The following AHRR variants were observed in gnomAD, a reference collection of about 807,000 sequenced individuals.
The protein encoded by AHRR is ahR repressor.
AHRR carries 28 observed loss-of-function variants against 44.0 expected under a neutral mutation model. That is an observed-to-expected ratio of 0.64 (90% CI 0.47 to 0.87). The LOEUF (loss-of-function observed/expected upper bound fraction) is 0.87, where lower values mean the gene tolerates loss of function less well. Among genes scored for constraint, AHRR ranks in the 40% least tolerant of loss-of-function variants. The pLI, the probability that AHRR is intolerant of heterozygous loss-of-function variation, is 0.00. For missense variants in AHRR, 990 were observed against 953.9 expected, an observed-to-expected ratio of 1.04 and a Z score of -0.50; for synonymous variants, 434 against 407.0, an observed-to-expected ratio of 1.07 and a Z score of -0.80.
chr5:398,140 T>TCA (rs1734836384), intron 4 of AHRR, among the ~76,000 whole-genome samples: 1 of 113,982 alleles, frequency 8.8e-6, no homozygotes, highest in African/African-American at 3.7e-5. Flanking sequence ...ACCGTCCATG[T>TCA]TAGCCCCTGA....
intron 7 of AHRR, among the ~76,000 whole-genome samples, chr5:426,164 G>A (rs895536785): frequency 9.9e-5 from 15 of 152,254 alleles, no homozygotes; most frequent in African/African-American, 3.6e-4. Flanking sequence ...CTGCTACACA[G>A]CAGGTGTTTA....
chr5:399,395 A>T (rs1310723511), intron 4 of AHRR, among the ~76,000 whole-genome samples: 3 of 152,206 alleles, frequency 2.0e-5, no homozygotes, highest in Non-Finnish European at 4.4e-5. Flanking sequence ...GGGTGTTTGC[A>T]CTCAGAAAGC....
rs911406619 is a variant in AHRR at position 399,727 on chromosome 5, A to G, written c.352-13617A>G. 3.9e-5 allele frequency among the ~76,000 whole-genome samples: 6 copies of G among 152,314 alleles called. No homozygotes were observed. In the East Asian group the frequency reaches 9.7e-4, roughly 25 times the overall value. On this transcript the variant is annotated intron_variant, in intron 4 of 10. Coordinates refer to ENST00000684583, the MANE Select transcript of AHRR (RefSeq NM_001377236.1). ...GAAGGGGGCCCAGGACACCGGGTTA[A>G]CCGAGCGGGGCTGCAGTGGGCGTCA...
At chr5:416,762 A>AC (rs1274287224) in intron 5 of AHRR, among the ~76,000 whole-genome samples, 1 of 152,136 alleles carries the variant, frequency 6.6e-6, no homozygotes, top group African/African-American at 2.4e-5. Context: ...GGTGCCGTGA[A>AC]CGGGGGAGCA....
At chr5:324,859 G>T (rs1280351418) in intron 1 of AHRR, among the ~76,000 whole-genome samples, 1 of 152,178 alleles carries the variant, frequency 6.6e-6, no homozygotes, top group Non-Finnish European at 1.5e-5. Flanking sequence ...TGGGGAGGGG[G>T]TAGGCAGGCC....
intron 3 of AHRR, among the ~76,000 whole-genome samples, chr5:366,502 T>C (rs1743365689): frequency 6.6e-6 from 1 of 152,102 alleles, no homozygotes; most frequent in South Asian, 2.1e-4. Context: ...GAGAGATGAC[T>C]ATAGAAAGAA....
At chr5:348,176 G>T (rs1472625926) in intron 2 of AHRR, among the ~76,000 whole-genome samples, 1 of 152,164 alleles carries the variant, frequency 6.6e-6, no homozygotes, top group Non-Finnish European at 1.5e-5. Context: ...GGATGACATG[G>T]GTGATCCTGA....
In AHRR at chr5:354,045, G is replaced by A. The variant is rs1323216537; in HGVS notation, c.244+134G>A. ...GTGCACTCCCTTCTTCCCCCACGCT[G>A]CCCCCAGAACCTGGAGACTTGGCCC... On this transcript the variant is annotated intron_variant, in intron 3 of 10. Coordinates refer to ENST00000684583, the MANE Select transcript of AHRR (RefSeq NM_001377236.1). 5.1e-6 allele frequency: 5 copies of A among 972,932 alleles called. No homozygotes were observed. In the East Asian group the frequency reaches 7.7e-5, roughly 15 times the overall value. The allele number at this position is 972,932 out of a possible 1,614,324, so 60.3% of individuals were successfully genotyped here.
intron 7 of AHRR, among the ~76,000 whole-genome samples, chr5:425,701 T>C (rs768354994): frequency 2.0e-5 from 3 of 152,220 alleles, no homozygotes; most frequent in Non-Finnish European, 2.9e-5. Context: ...TAAAATGGAA[T>C]TGTCAAACAA....
intron 5 of AHRR, chr5:421,056 G>A: frequency 9.6e-6 from 5 of 523,276 alleles, no homozygotes; most frequent in South Asian, 2.3e-5. Context: ...CCTATCCACC[G>A]CAGCGACTAA....
chr5:352,311 C>T (rs910298139), intron 2 of AHRR, among the ~76,000 whole-genome samples: 1 of 150,390 alleles, frequency 6.6e-6, no homozygotes, highest in Non-Finnish European at 1.5e-5. Context: ...AATGGGTCAG[C>T]TGTAGGGGAT....
chr5:380,841 G>A (rs972048627), intron 4 of AHRR, among the ~76,000 whole-genome samples: 1 of 152,218 alleles, frequency 6.6e-6, no homozygotes, highest in Non-Finnish European at 1.5e-5. Context: ...CACAGAGACA[G>A]ACAAGTTTCA....
chr5:379,654 A>G (rs1456877379), intron 4 of AHRR, among the ~76,000 whole-genome samples: 1 of 152,198 alleles, frequency 6.6e-6, no homozygotes, highest in Non-Finnish European at 1.5e-5. Flanking sequence ...ATGGTCTTTC[A>G]GATCTTTTGT....
At chr5:336,477 A>T (rs1043091861) in intron 1 of AHRR, among the ~76,000 whole-genome samples, 5 of 152,312 alleles carry the variant, frequency 3.3e-5, no homozygotes, top group African/African-American at 1.2e-4. Context: ...GCCTTTGCCC[A>T]TTTTAAAATT....
At chr5:390,468 C>T (rs1474988626) in intron 4 of AHRR, among the ~76,000 whole-genome samples, 6 of 152,244 alleles carry the variant, frequency 3.9e-5, no homozygotes, top group East Asian at 3.9e-4. Flanking sequence ...GACATGAAAA[C>T]GGCTCAACAA....
rs781641747 is a variant in AHRR at position 438,238 on chromosome 5, C to G, written c.*3404C>G. ...TGTACTGTGGTTTGTATTAAATTTG[C>G]AATATTGATGTAAAATACATGACAT... On this transcript the variant is annotated 3_prime_UTR_variant, in exon 11 of 11. Transcript: ENST00000684583. 17 of 152,300 alleles carry G rather than the reference C, an allele frequency of 1.1e-4. No individual in the cohort carries two copies. The highest frequency in any genetic ancestry group is 2.2e-4 in the Non-Finnish European group (15 of 68,018). The allele number at this position is 152,300 out of a possible 1,614,324, so 9.4% of individuals were successfully genotyped here. A position where few individuals can be genotyped will look rare whatever the true frequency, so the allele number is the denominator to read the frequency against.
intron 3 of AHRR, among the ~76,000 whole-genome samples, chr5:367,271 C>A (rs1457557573): frequency 6.6e-6 from 1 of 152,128 alleles, no homozygotes; most frequent in African/African-American, 2.4e-5. Context: ...TTCGTGGGCA[C>A]GTGGTGGGCC....
At chr5:341,009 C>A (rs899522822) in intron 1 of AHRR, among the ~76,000 whole-genome samples, 5 of 148,242 alleles carry the variant, frequency 3.4e-5, no homozygotes, top group African/African-American at 1.3e-4. Context: ...TATAATTTTT[C>A]TTTTTCTTTT....
Position 387,869 on chromosome 5 carries a change from G to A in AHRR, c.351+11153G>A, listed in dbSNP as rs1013123425. Among the ~76,000 whole-genome samples the A allele has an allele frequency of 6.6e-6, 1 of 152,226 alleles. No individual in the cohort carries two copies. The highest frequency in any genetic ancestry group is 1.5e-5 in the Non-Finnish European group (1 of 68,048). ...CTGGAGGCCAGGAGCCAAAACCAGC[G>A]CCGATGGGCTGCAAGCGAGGTGTTG... On this transcript the variant is annotated intron_variant, in intron 4 of 10. Transcript: ENST00000684583. This position sits in a 1 kb window ranked among gnomAD's most constrained non-coding sequence, Gnocchi z 5.1.
Sources: allele counts gnomAD v4.1 joint callset (sites outside exome capture counted in the v4.1 genomes callset), GRCh38; gene constraint gnomAD v4.1.1; non-coding constraint Gnocchi (gnomAD v3.1); transcripts MANE v1.5; gene names NCBI Gene and HGNC (gene_info 2026-07-23, HGNC 2026-07-21).